The following EPS8L2 variants were observed in gnomAD, a reference collection of about 807,000 sequenced individuals.
EPS8L2 encodes the protein epidermal growth factor receptor kinase substrate 8-like protein 2.
Under a neutral mutation model 99.4 loss-of-function variants are expected in EPS8L2, and 81 were observed. That is an observed-to-expected ratio of 0.82 (90% CI 0.68 to 0.98). The LOEUF (loss-of-function observed/expected upper bound fraction) is 0.98, where lower values mean the gene tolerates loss of function less well. EPS8L2 is among the 50% of genes least tolerant of loss of function. EPS8L2 has a pLI of 0.00. For synonymous variants in EPS8L2, 509 were observed against 407.3 expected (o/e 1.25, Z -3.01); for missense variants, 1,155 against 968.8 (o/e 1.19, Z -2.55).
chr11:722,308 A>G, intron 12 of EPS8L2, 93 bp from the exon 13 acceptor site: 2 of 1,557,638 alleles, frequency 1.3e-6, no homozygotes, highest in Non-Finnish European at 1.7e-6. Context: ...CTGGGGTCCA[A>G]AGTCCCTTCC....
At chr11:726,056 G>A in intron 17 of EPS8L2, 42 bp from the exon 18 acceptor site, 1 of 1,414,334 alleles carries the variant, frequency 7.1e-7, no homozygotes, top group Non-Finnish European at 9.8e-7. Flanking sequence ...CTGGGAGGCG[G>A]GGGCGGGGCG....
rs1482105040 is a variant in EPS8L2 at position 726,450 on chromosome 11, C to T, written c.1900C>T (p.Arg634Cys). The T allele has an allele frequency of 1.9e-6, 3 of 1,583,700 alleles. No individual in the cohort carries two copies. The highest frequency in any genetic ancestry group is 2.6e-6 in the Non-Finnish European group (3 of 1,166,812). ...CTACGAGTCGGGTCCGGACGAGGTC[C>T]GCGCCTGGCTGGAAGCCAAGGCCTT... ...LTYESGPDEV[R>C]AWLEAKAFSP... The change falls in exon 19 of 21, where the codon CGC (arginine) becomes TGC (cysteine). Residue 634 changes from arginine to cysteine, a missense_variant. Transcript: ENST00000318562.
At chr11:723,613 A>G (rs544299431) in intron 15 of EPS8L2, among the ~76,000 whole-genome samples, 2 of 152,330 alleles carry the variant, frequency 1.3e-5, no homozygotes, top group East Asian at 3.9e-4. Context: ...TTTAGAACCA[A>G]GGTTAGAAAC....
chr11:724,279 G>A lies in EPS8L2; in HGVS notation c.1455-445G>A, dbSNP rs1862261006. 6.6e-6 allele frequency among the ~76,000 whole-genome samples: 1 copy of A among 152,200 alleles called. No homozygotes were observed. Among genetic ancestry groups the A allele is most frequent in the Non-Finnish European group, 1.5e-5 (1 of 68,024 alleles). ...GGTCCCACCCCACAGAGAGGAGCTT[G>A]AGACCCGTCCTCCACTGGACCATTT... is the stretch of plus-strand genomic sequence containing the variant. On this transcript the variant is annotated intron_variant, in intron 15 of 20. Coordinates refer to ENST00000318562, the MANE Select transcript of EPS8L2 (RefSeq NM_022772.4). This position sits in a 1 kb window ranked among gnomAD's most constrained non-coding sequence, Gnocchi z 5.5.
chr11:721,267 C>T lies in EPS8L2; in HGVS notation c.701-18C>T. ...CGTTGTGGGGGGCTCGGTGAGCAGC[C>T]GCCGTGTCCCCCATCAGGTTTCCGC... is the stretch of plus-strand genomic sequence containing the variant. On this transcript the variant is annotated intron_variant, in intron 8 of 20. Transcript: ENST00000318562. 1 of 1,538,910 alleles carries T rather than the reference C, an allele frequency of 6.5e-7. No individual in the cohort carries two copies.
At chr11:721,385 C>T in intron 9 of EPS8L2, 33 bp downstream of exon 9, 4 of 1,536,584 alleles carry the variant, frequency 2.6e-6, no homozygotes, top group Non-Finnish European at 3.5e-6. Context: ...TGGCCCCTCT[C>T]TTCCCCGCCC....
Position 725,866 on chromosome 11 carries a change from C to A in EPS8L2, c.1680+19C>A. 1 of 1,351,098 alleles carries A rather than the reference C, an allele frequency of 7.4e-7. No individual in the cohort carries two copies. The allele number at this position is 1,351,098 out of a possible 1,614,324, so 83.7% of individuals were successfully genotyped here. A position where few individuals can be genotyped will look rare whatever the true frequency, so the allele number is the denominator to read the frequency against. On this transcript the variant is annotated intron_variant, in intron 17 of 20. Coordinates refer to ENST00000318562, the MANE Select transcript of EPS8L2 (RefSeq NM_022772.4). The stretch of plus-strand genomic sequence containing the variant: ...CGAGCAGGTGAGCCCGCGGGGGTCC[C>A]TGGGGTCGCAGCCCCCAGCTTCCTG...
rs139795775 is a variant in EPS8L2, at chr11:721,672, G to A, written c.876G>A (p.Lys292=). 3.1e-6 allele frequency: 5 copies of A among 1,591,202 alleles called. No individual in the cohort carries two copies. In the African/African-American group the frequency reaches 6.8e-5, roughly 22 times the overall value. Residue 292 remains lysine, a synonymous_variant, in exon 10 of 21, where the codon AAG becomes AAA. Coordinates refer to ENST00000318562, the MANE Select transcript of EPS8L2 (RefSeq NM_022772.4). ...QLNQRKKGKK[K]GKKAPAEGVL... is the part of the protein sequence containing the mutation. The stretch of plus-strand genomic sequence containing the variant: ...ACCAGCGGAAAAAGGGGAAGAAGAA[G>A]GGCAAGAAGGCGCCAGCAGGTGCAG...
Position 726,086 on chromosome 11 carries a change from CCG to C in EPS8L2, c.1681-10_1681-9del. 1 of 1,548,106 alleles carries C rather than the reference CCG, an allele frequency of 6.5e-7. No homozygotes were observed. The highest frequency in any genetic ancestry group is 8.8e-7 in the Non-Finnish European group (1 of 1,133,312). ...GGGGCGTGGGGAGCCTAATCGCCCC[CCG>C]CCCCCGCAGGCCGGTCAGAAGTACT... is the stretch of plus-strand genomic sequence containing the variant. On this transcript the variant is annotated splice_polypyrimidine_tract_variant and intron_variant, in intron 17 of 20. Coordinates refer to ENST00000318562, the MANE Select transcript of EPS8L2 (RefSeq NM_022772.4).
At position 726,452 on chromosome 11, in the gene EPS8L2, C is replaced by A. The variant is rs1862324894; in HGVS notation, c.1902C>A (p.Arg634=). 6.3e-7 allele frequency: 1 copy of A among 1,581,692 alleles called. No homozygotes were observed. The highest frequency in any genetic ancestry group is 8.6e-7 in the Non-Finnish European group (1 of 1,165,840). Residue 634 remains arginine (R), a synonymous_variant, in exon 19 of 21, where the codon CGC becomes CGA. Coordinates refer to ENST00000318562, the MANE Select transcript of EPS8L2 (RefSeq NM_022772.4). ...ACGAGTCGGGTCCGGACGAGGTCCG[C>A]GCCTGGCTGGAAGCCAAGGCCTTCA... The part of the protein sequence containing the change: ...LTYESGPDEV[R]AWLEAKAFSP...
intron 10 of EPS8L2, 37 bp downstream of exon 10, chr11:721,728 G>T (rs367590886): frequency 3.3e-5 from 43 of 1,284,180 alleles, no homozygotes; most frequent in Non-Finnish European, 4.5e-5. Context: ...AGGTGCAGGG[G>T]ACGGGGCCAG....
chr11:723,016 C>T, intron 14 of EPS8L2, among the ~76,000 whole-genome samples: 1 of 101,992 alleles, frequency 9.8e-6, no homozygotes, highest in Non-Finnish European at 2.0e-5. Flanking sequence ...CCCCAGAGCT[C>T]CCCTCCCCAG....
chr11:713,031 G>A (rs1418327380), intron 4 of EPS8L2, among the ~76,000 whole-genome samples: 1 of 146,708 alleles, frequency 6.8e-6, no homozygotes, highest in African/African-American at 2.5e-5. Flanking sequence ...AGCCTCGTCT[G>A]CCCAGAGGCC....
In EPS8L2 at chr11:726,806, C is replaced by A. The variant is rs181571245; in HGVS notation, c.2067+55C>A. The stretch of plus-strand genomic sequence containing the variant: ...CCCTCCTGCCCCTGCGCCCTCCTCT[C>A]CCCCGCCCGTTCCTGGGGTCGCAGA... On this transcript the variant is annotated intron_variant, in intron 20 of 20. Coordinates refer to ENST00000318562, the MANE Select transcript of EPS8L2 (RefSeq NM_022772.4). 234 of 1,579,564 alleles carry A rather than the reference C, an allele frequency of 1.5e-4. 1 individual carries two copies. The highest frequency in any genetic ancestry group is 3.8e-4 in the Middle Eastern group (2 of 5,310).
chr11:722,241 T>TTGGGGCAGCAGGTGCCCGCC (rs1260716779), intron 12 of EPS8L2, 76 bp downstream of exon 12: 1 of 1,562,096 alleles, frequency 6.4e-7, no homozygotes, highest in African/African-American at 1.4e-5. Context: ...GGGGTCGGGG[T>TTGGGGCAGCAGGTGCCCGCC]TGGGGCAGCA....
chr11:715,618 GTTTT>G (rs929222502), intron 4 of EPS8L2, among the ~76,000 whole-genome samples: 21 of 120,036 alleles, frequency 1.7e-4, no homozygotes, highest in African/African-American at 7.1e-4. Context: ...TTTTTCTTTT[GTTTT>G]TTTTTTTTTT....
At chr11:710,254 G>T (rs1590046339) in intron 3 of EPS8L2, 168 bp from the exon 4 acceptor site, 1 of 634,884 alleles carries the variant, frequency 1.6e-6, no homozygotes, top group East Asian at 2.8e-5. Flanking sequence ...GAGGGAGGGG[G>T]CTTCCTGCAG....
chr11:720,936 C>T (rs1321022757), intron 7 of EPS8L2, 27 bp downstream of exon 7: 1 of 879,754 alleles, frequency 1.1e-6, no homozygotes, highest in African/African-American at 3.1e-5. Context: ...AGCGGGGTCG[C>T]AGGGGGCGGG....
rs1862345665 is a variant in EPS8L2, at chr11:726,881, C to T, written c.2068-20C>T. On this transcript the variant is annotated intron_variant, in intron 20 of 20. Coordinates refer to ENST00000318562, the MANE Select transcript of EPS8L2 (RefSeq NM_022772.4). Reference sequence around the variant, plus strand: ...CACGTGGGACCCCCGGCTGAGGATGCCCCCATTTCTCCTCCCTAGAAGCAG... The same window carrying T: ...CACGTGGGACCCCCGGCTGAGGATGTCCCCATTTCTCCTCCCTAGAAGCAG... 6.2e-7 allele frequency: 1 copy of T among 1,607,858 alleles called. No individual in the cohort carries two copies. The highest frequency in any genetic ancestry group is 1.1e-5 in the South Asian group (1 of 90,272).
Sources: gnomAD v4.1 joint callset for allele counts (sites outside exome capture counted in the v4.1 genomes callset) on GRCh38, gnomAD v4.1.1 for gene constraint, Gnocchi (gnomAD v3.1) non-coding constraint, MANE v1.5 for transcripts, NCBI Gene and HGNC (gene_info 2026-07-23, HGNC 2026-07-21) for gene names.